SMARCAD1: variants seen among roughly 807,000 people sequenced by gnomAD.
SMARCAD1 encodes SWI/SNF-related matrix-associated actin-dependent regulator of chromatin subfamily A containing DEAD/H box 1.
A neutral mutation model predicts 127.1 loss-of-function variants in SMARCAD1; 25 were observed. That is an observed-to-expected ratio of 0.20 (90% CI 0.14 to 0.27). SMARCAD1 has a LOEUF of 0.27. Among genes scored for constraint, SMARCAD1 ranks in the 10% least tolerant of loss-of-function variants. The pLI, the probability that SMARCAD1 is intolerant of heterozygous loss-of-function variation, is 1.00. For missense variants in SMARCAD1, 807 were observed against 1,206.0 expected, an observed-to-expected ratio of 0.67 and a Z score of 4.90; for synonymous variants, 400 against 396.9, an observed-to-expected ratio of 1.01 and a Z score of -0.09.
At position 94,276,490 on chromosome 4, in the gene SMARCAD1, T is replaced by TAC. The variant is rs1753322844; in HGVS notation, c.1944+17_1944+18insCA. On this transcript the variant is annotated intron_variant, in intron 15 of 23. Coordinates refer to ENST00000354268, the MANE Select transcript of SMARCAD1 (RefSeq NM_020159.5). Reference sequence around the variant, plus strand: ...GACAATTAATGTAAGAGAATGTTTGTAAAGTTTTCCAAATTACTGTAAAAT... The same window carrying TAC: ...GACAATTAATGTAAGAGAATGTTTGTACAAAGTTTTCCAAATTACTGTAAAAT... The TAC allele has an allele frequency of 6.2e-7, 1 of 1,613,792 alleles. No individual in the cohort carries two copies. The highest frequency in any genetic ancestry group is 8.5e-7 in the Non-Finnish European group (1 of 1,179,874).
intron 3 of SMARCAD1, among the ~76,000 whole-genome samples, chr4:94,231,375 ACTTTGT>A (rs1421935416): frequency 1.3e-5 from 2 of 152,178 alleles, no homozygotes; most frequent in Admixed American, 1.3e-4. Flanking sequence ...GTGAGAGGGG[ACTTTGT>A]CTTTAACAGG....
intron 2 of SMARCAD1, among the ~76,000 whole-genome samples, chr4:94,223,461 C>G (rs890294951): frequency 2.0e-5 from 3 of 152,050 alleles, no homozygotes; most frequent in African/African-American, 7.2e-5. Context: ...CCACTGTACT[C>G]TAGCCTGGGC....
intron 5 of SMARCAD1, among the ~76,000 whole-genome samples, chr4:94,240,218 T>A (rs1332701517): frequency 6.6e-6 from 1 of 152,192 alleles, no homozygotes; most frequent in Admixed American, 6.5e-5. Flanking sequence ...AAAGCAAAAG[T>A]ATTTAAGAAG....
intron 2 of SMARCAD1, among the ~76,000 whole-genome samples, chr4:94,222,266 A>G (rs1205584136): frequency 1.3e-5 from 2 of 152,234 alleles, no homozygotes. Context: ...TATTATGTTA[A>G]TATGTGAAAT....
chr4:94,270,523 AAATAG>A (rs1317561144), intron 10 of SMARCAD1, 200 bp from the exon 11 acceptor site: 6 of 498,280 alleles, frequency 1.2e-5, no homozygotes, highest in Non-Finnish European at 3.6e-6. Context: ...CTGCCAGAAG[AAATAG>A]AATAGAGAAT....
At chr4:94,261,183 T>A (rs1750918918) in intron 9 of SMARCAD1, among the ~76,000 whole-genome samples, 1 of 152,150 alleles carries the variant, frequency 6.6e-6, no homozygotes, top group South Asian at 2.1e-4. Flanking sequence ...AAAGATTCAG[T>A]GTGCTTCAGC....
intron 2 of SMARCAD1, among the ~76,000 whole-genome samples, chr4:94,220,537 C>T (rs953885401): frequency 6.6e-6 from 1 of 152,170 alleles, no homozygotes; most frequent in African/African-American, 2.4e-5. Context: ...CATGAGCCAC[C>T]GTGTCCAGCC....
intron 9 of SMARCAD1, among the ~76,000 whole-genome samples, chr4:94,262,978 T>C (rs956081221): frequency 3.9e-4 from 60 of 151,924 alleles, no homozygotes; most frequent in African/African-American, 1.4e-3. Flanking sequence ...TCTTAAATTA[T>C]TTTATTTAGG....
In SMARCAD1 at chr4:94,289,628, T is replaced by C. The variant is rs756890814; in HGVS notation, c.*94T>C. 6.3e-6 allele frequency: 7 copies of C among 1,111,106 alleles called. No homozygotes were observed. The highest frequency in any genetic ancestry group is 5.0e-5 in the South Asian group (4 of 80,620). The allele number at this position is 1,111,106 out of a possible 1,614,324, so 68.8% of individuals were successfully genotyped here. A position where few individuals can be genotyped will look rare whatever the true frequency, so the allele number is the denominator to read the frequency against. On this transcript the variant is annotated 3_prime_UTR_variant, in exon 24 of 24. Coordinates refer to ENST00000354268, the MANE Select transcript of SMARCAD1 (RefSeq NM_020159.5). ...TGATGACCATGGGGTTTATGAACAT[T>C]TATAACTTTTTATAATTTCCATATT...
At chr4:94,233,575 ATCT>A (rs1010537015) in intron 3 of SMARCAD1, among the ~76,000 whole-genome samples, 3 of 152,198 alleles carry the variant, frequency 2.0e-5, no homozygotes, top group Non-Finnish European at 2.9e-5. Flanking sequence ...TATCCATTTA[ATCT>A]TCATAATTTC....
Position 94,290,359 on chromosome 4 carries a change from T to C in SMARCAD1, c.*825T>C, listed in dbSNP as rs1755527459. ...GTCACTTCTGCTCCAATTCTCTTCCTCTCTAAATAGTAGTTTATTACTGCC... is the reference window on the plus strand; with the variant it reads ...GTCACTTCTGCTCCAATTCTCTTCCCCTCTAAATAGTAGTTTATTACTGCC... On this transcript the variant is annotated 3_prime_UTR_variant, in exon 24 of 24. Transcript: ENST00000354268. 1 of 454,392 alleles carries C rather than the reference T, an allele frequency of 2.2e-6. No homozygotes were observed. The highest frequency in any genetic ancestry group is 2.4e-5 in the Admixed American group (1 of 42,548). The allele number at this position is 454,392 out of a possible 1,614,324, so 28.1% of individuals were successfully genotyped here.
intron 9 of SMARCAD1, among the ~76,000 whole-genome samples, chr4:94,258,873 A>G (rs984649443): frequency 6.6e-6 from 1 of 152,254 alleles, no homozygotes; most frequent in Non-Finnish European, 1.5e-5. Flanking sequence ...TGTTGTGTAT[A>G]TTATTAATGA....
At chr4:94,279,838 G>A (rs1753769747) in intron 19 of SMARCAD1, among the ~76,000 whole-genome samples, 1 of 151,020 alleles carries the variant, frequency 6.6e-6, no homozygotes, top group Admixed American at 6.6e-5. Context: ...CTGATCTTTG[G>A]TTGAAAGCAA....
Position 94,270,832 on chromosome 4 carries a change from A to G in SMARCAD1, c.1572+14A>G, listed in dbSNP as rs200017835. The G allele has an allele frequency of 6.2e-7, 1 of 1,604,822 alleles. No homozygotes were observed. The highest frequency in any genetic ancestry group is 8.5e-7 in the Non-Finnish European group (1 of 1,171,956). On this transcript the variant is annotated intron_variant, in intron 11 of 23. Coordinates refer to ENST00000354268, the MANE Select transcript of SMARCAD1 (RefSeq NM_020159.5). ...GCAGATGAAATGGTAAGTGTACTTT[A>G]TTTCTAAGATTTGTTGTTGAAAGTG...
intron 2 of SMARCAD1, among the ~76,000 whole-genome samples, chr4:94,223,000 AC>A (rs1399271838): frequency 6.6e-6 from 1 of 151,922 alleles, no homozygotes; most frequent in Non-Finnish European, 1.5e-5. Context: ...TTATGTCTTC[AC>A]CATGTATTTT....
At chr4:94,229,811 T>G (rs2125846103) in intron 3 of SMARCAD1, among the ~76,000 whole-genome samples, 1 of 151,784 alleles carries the variant, frequency 6.6e-6, no homozygotes, top group East Asian at 1.9e-4. Flanking sequence ...GTTTTTTTTT[T>G]TTTAATCATT....
intron 2 of SMARCAD1, among the ~76,000 whole-genome samples, chr4:94,221,586 G>T (rs191968839): frequency 6.6e-6 from 1 of 152,204 alleles, no homozygotes; most frequent in Non-Finnish European, 1.5e-5. Flanking sequence ...ACAGATATGA[G>T]AATCCAGCCA....
intron 23 of SMARCAD1, among the ~76,000 whole-genome samples, 199 bp downstream of exon 23, chr4:94,285,268 A>G (rs1754767757): frequency 1.3e-5 from 2 of 152,170 alleles, no homozygotes; most frequent in Admixed American, 6.5e-5. Flanking sequence ...CAAAATTTTT[A>G]TTTTTGTATA....
intron 7 of SMARCAD1, among the ~76,000 whole-genome samples, chr4:94,250,057 A>G (rs2125911918): frequency 6.6e-6 from 1 of 152,046 alleles, no homozygotes; most frequent in African/African-American, 2.4e-5. Flanking sequence ...TGCCCCCATC[A>G]AGTAACTGCT....
Sources: gnomAD v4.1 joint callset for allele counts (sites outside exome capture counted in the v4.1 genomes callset) on GRCh38, gnomAD v4.1.1 for gene constraint, MANE v1.5 for transcripts, NCBI Gene and HGNC (gene_info 2026-07-23, HGNC 2026-07-21) for gene names.